Variants in AMH observed in about 807,000 individuals in gnomAD.
The protein encoded by AMH is anti-Mullerian hormone.
A neutral mutation model predicts 33.3 loss-of-function variants in AMH; 39 were observed. The ratio of observed to expected loss-of-function variants is 1.17; its 90% confidence interval spans 0.91 to 1.53. The LOEUF (loss-of-function observed/expected upper bound fraction) is 1.53. AMH is among the 40% of genes most tolerant of loss of function. AMH has a pLI of 0.00. For missense variants in AMH, 1,019 were observed against 799.8 expected (o/e 1.27, Z -3.30); for synonymous variants, 536 against 403.0 (o/e 1.33, Z -3.95).
At chr19:2,250,791 G>A (rs1228033156) in intron 3 of AMH, 31 bp downstream of exon 3, 1 of 1,535,790 alleles carries the variant, frequency 6.5e-7, no homozygotes, top group Non-Finnish European at 8.7e-7. Context: ...ACGGGGAGCC[G>A]GGTCGACTGC....
In AMH at chr19:2,250,566, G is replaced by C. The variant is rs1345313329; in HGVS notation, c.556-86G>C. 2.6e-6 allele frequency: 4 copies of C among 1,538,062 alleles called. No homozygotes were observed. The Admixed American group carries it at 7.8e-5, about 30-fold the overall frequency. On this transcript the variant is annotated intron_variant, in intron 2 of 4. Transcript: ENST00000221496. ...GGTCTGCAGTACTGAGAACAGCGTA[G>C]AACCAGTGGCGATGGGAGGAAGGGG...
rs2025057757 is a variant in AMH at position 2,251,978 on chromosome 19, C to T, written c.*21C>T. Reference sequence around the variant, plus strand: ...GGTGACCCCTGCGCCGCGCGGACTCCTGCCCCGAGGGTCCGGACGCGCCCC... The same window carrying T: ...GGTGACCCCTGCGCCGCGCGGACTCTTGCCCCGAGGGTCCGGACGCGCCCC... On this transcript the variant is annotated 3_prime_UTR_variant, in exon 5 of 5. Transcript: ENST00000221496. 6.5e-7 allele frequency: 1 copy of T among 1,536,210 alleles called. No individual in the cohort carries two copies. Among genetic ancestry groups the T allele is most frequent in the African/African-American group, 1.4e-5 (1 of 73,152 alleles).
At position 2,250,997 on chromosome 19, in the gene AMH, C is replaced by T. The variant is rs1445334575; in HGVS notation, c.813C>T (p.Phe271=). 3 of 1,514,106 alleles carry T rather than the reference C, an allele frequency of 2.0e-6. No individual in the cohort carries two copies. Among genetic ancestry groups the T allele is most frequent in the Non-Finnish European group, 2.6e-6 (3 of 1,138,016 alleles). The allele number at this position is 1,514,106 out of a possible 1,614,324, so 93.8% of individuals were successfully genotyped here. The change falls in exon 4 of 5, where the codon TTC becomes TTT. Residue 271 remains phenylalanine, a synonymous_variant. Coordinates refer to ENST00000221496, the MANE Select transcript of AMH (RefSeq NM_000479.5). ...PAHGQLDTVP[F]PPPRPSAELE... Reference sequence around the variant, plus strand: ...ACGGCCAGCTGGACACCGTGCCCTTCCCGCCGCCCAGGTGCGCGCAGGCAC... The same window carrying T: ...ACGGCCAGCTGGACACCGTGCCCTTTCCGCCGCCCAGGTGCGCGCAGGCAC...
At position 2,250,894 on chromosome 19, in the gene AMH, A is replaced by G. The variant is rs773763111; in HGVS notation, c.710A>G (p.Asp237Gly). 3 of 1,573,746 alleles carry G rather than the reference A, an allele frequency of 1.9e-6. No individual in the cohort carries two copies. The highest frequency in any genetic ancestry group is 2.3e-5 in the South Asian group (2 of 87,598). The change falls in exon 4 of 5, where the codon GAC (aspartate) becomes GGC (glycine). Residue 237 changes from aspartate (D) to glycine (G), a missense_variant. By Grantham distance (94) the Asp-to-Gly change is moderately conservative (BLOSUM62 -1). Coordinates refer to ENST00000221496, the MANE Select transcript of AMH (RefSeq NM_000479.5). ...TARLQALLFG[D>G]DHRCFTRMTP... ...CGGCTGCAGGCACTGCTGTTCGGCG[A>G]CGACCACCGCTGCTTCACACGGATG...
Position 2,250,394 on chromosome 19 carries a change from GC to G in AMH, c.476del (p.Pro159GlnfsTer18). On this transcript the variant is annotated frameshift_variant, in exon 2 of 5. Transcript: ENST00000221496. LOFTEE classifies it high-confidence loss of function. ...CAGGAGCCCCCGCCTGGAGGAGCTG[GC>G]CCCCCAGAGCTGGCGCTGCTGGTGC... ...RFQEPPPGGAGPPELALLVLY... is the reference protein window; with the variant it reads ...RFQEPPPGGAXPPELALLVLY... 3.8e-6 allele frequency: 6 copies of G among 1,583,836 alleles called. No individual in the cohort carries two copies. Among genetic ancestry groups the G allele is most frequent in the East Asian group, 2.3e-5 (1 of 43,662 alleles).
At position 2,252,030 on chromosome 19, in the gene AMH, C is replaced by T; in HGVS notation, c.*73C>T. ...GCTCGCGCCCCTTCCCATATTTATT[C>T]GGACCCCAAGCATCGCCCCAATAAA... On this transcript the variant is annotated 3_prime_UTR_variant, in exon 5 of 5. Transcript: ENST00000221496. The T allele has an allele frequency of 6.6e-7, 1 of 1,518,584 alleles. No homozygotes were observed. The highest frequency in any genetic ancestry group is 1.2e-5 in the South Asian group (1 of 83,236). 94.1% of individuals were successfully genotyped at this position (1,518,584 alleles called of 1,614,324 possible).
At chr19:2,249,791 G>A (rs1237016064) in intron 1 of AMH, 47 bp downstream of exon 1, 2 of 1,455,046 alleles carry the variant, frequency 1.4e-6, no homozygotes, top group Non-Finnish European at 1.8e-6. Flanking sequence ...CTTCCTTCAG[G>A]TGGGCCGGGT....
At chr19:2,249,852 G>A in intron 1 of AMH, 108 bp downstream of exon 1, 1 of 1,303,522 alleles carries the variant, frequency 7.7e-7, no homozygotes, top group Non-Finnish European at 1.0e-6. Flanking sequence ...GGGCAGGGAG[G>A]CTGTGGTCTT....
At position 2,250,657 on chromosome 19, in the gene AMH, C is replaced by G. The variant is rs1479881828; in HGVS notation, c.561C>G (p.Leu187=). Residue 187 remains leucine (L), a synonymous_variant, in exon 3 of 5, where the codon CTC becomes CTG. Transcript: ENST00000221496. ...CTGAGCCCTGGTCTCCGCAGAGCCT[C>G]TGCCCCTCCCGAGACACCCGCTACC... is the stretch of plus-strand genomic sequence containing the variant. ...TRAGLPGAQS[L]CPSRDTRYLV... The G allele has an allele frequency of 5.8e-6, 9 of 1,539,238 alleles. No homozygotes were observed. Among genetic ancestry groups the G allele is most frequent in the Non-Finnish European group, 7.8e-6 (9 of 1,146,998 alleles).
At position 2,249,957 on chromosome 19, in the gene AMH, C is replaced by T. The variant is rs1030192732; in HGVS notation, c.412+213C>T. The T allele has an allele frequency of 6.8e-5, 45 of 658,420 alleles. 2 individuals are homozygous for T. The South Asian group carries it at 7.3e-4, about 11-fold the overall frequency. 40.8% of individuals were successfully genotyped at this position (658,420 alleles called of 1,614,324 possible). A position where few individuals can be genotyped will look rare whatever the true frequency, so the allele number is the denominator to read the frequency against. On this transcript the variant is annotated intron_variant, in intron 1 of 4. Transcript: ENST00000221496. ...CCAGCTCTTAGACTTGCCCCTGCCT[C>T]GGTGCCAGGGAGAGAGCTGCTGCCT...
Position 2,250,667 on chromosome 19 carries a change from C to T in AMH, c.571C>T (p.Arg191Ter), listed in dbSNP as rs104894666. 9 of 1,539,450 alleles carry T rather than the reference C, an allele frequency of 5.8e-6. No individual in the cohort carries two copies. The highest frequency in any genetic ancestry group is 2.7e-5 in the African/African-American group (2 of 73,136). ...LPGAQSLCPS[R>*]DTRYLVLAVD... ...GTCTCCGCAGAGCCTCTGCCCCTCC[C>T]GAGACACCCGCTACCTGGTGTTAGC... The change falls in exon 3 of 5, where the codon CGA becomes TGA. Residue 191 changes from arginine (R) to a stop codon, truncating the protein, a stop_gained. Coordinates refer to ENST00000221496, the MANE Select transcript of AMH (RefSeq NM_000479.5). LOFTEE classifies it high-confidence loss of function.
In AMH at chr19:2,251,348, G is replaced by C; in HGVS notation, c.1074G>C (p.Gly358=). The C allele has an allele frequency of 1.3e-6, 2 of 1,492,568 alleles. No homozygotes were observed. Among genetic ancestry groups the C allele is most frequent in the Non-Finnish European group, 1.8e-6 (2 of 1,128,484 alleles). 92.5% of individuals were successfully genotyped at this position (1,492,568 alleles called of 1,614,324 possible). The part of the protein sequence containing the change: ...LLLRPTAATT[G]DPAPLHDPTS... Reference sequence around the variant, plus strand: ...TGAGGCCCACTGCGGCCACCACCGGGGATCCTGCGCCCCTGCACGACCCCA... The same window carrying C: ...TGAGGCCCACTGCGGCCACCACCGGCGATCCTGCGCCCCTGCACGACCCCA... Residue 358 remains glycine (G), a synonymous_variant, in exon 5 of 5, where the codon GGG becomes GGC. Transcript: ENST00000221496.
intron 4 of AMH, 33 bp downstream of exon 4, chr19:2,251,041 C>G: frequency 6.6e-7 from 1 of 1,525,812 alleles, no homozygotes; most frequent in Non-Finnish European, 8.7e-7. Flanking sequence ...GGGGCAGGAG[C>G]GGGCGGGGGC....
chr19:2,249,407 C>CA lies in AMH; in HGVS notation c.76dup (p.Arg26LysfsTer55). On this transcript the variant is annotated frameshift_variant, in exon 1 of 5. Coordinates refer to ENST00000221496, the MANE Select transcript of AMH (RefSeq NM_000479.5). LOFTEE classifies it high-confidence loss of function. ...GGGCTCTGCTGGGGACTGAGGCCCT[C>CA]AGAGCAGAGGAGCCAGCTGTGGGCA... 1 of 1,595,302 alleles carries CA rather than the reference C, an allele frequency of 6.3e-7. No homozygotes were observed. The highest frequency in any genetic ancestry group is 2.3e-5 in the East Asian group (1 of 43,862).
Position 2,251,178 on chromosome 19 carries a change from C to A in AMH, c.904C>A (p.Arg302=). The change falls in exon 5 of 5, where the codon CGG becomes AGG. Residue 302 remains arginine (R), a synonymous_variant. Transcript: ENST00000221496. ...ETLTRLVRAL[R]VPPARASAPR... ...GCTCACGCGCCTGGTGCGGGCGCTG[C>A]GGGTCCCCCCGGCCCGGGCCTCCGC... The A allele has an allele frequency of 6.6e-7, 1 of 1,512,818 alleles. No individual in the cohort carries two copies. The highest frequency in any genetic ancestry group is 8.8e-7 in the Non-Finnish European group (1 of 1,137,254). 93.7% of individuals were successfully genotyped at this position (1,512,818 alleles called of 1,614,324 possible).
rs965587329 is a variant in AMH at position 2,251,381 on chromosome 19, G to A, written c.1107G>A (p.Ala369=). Residue 369 remains alanine, a synonymous_variant, in exon 5 of 5, where the codon GCG becomes GCA. Transcript: ENST00000221496. ...CGCCCCTGCACGACCCCACGTCGGC[G>A]CCGTGGGCCACGGCCCTGGCGCGCC... ...DPAPLHDPTS[A]PWATALARRV... is the part of the protein sequence containing the mutation. The A allele has an allele frequency of 2.0e-6, 3 of 1,469,698 alleles. No individual in the cohort carries two copies. Among genetic ancestry groups the A allele is most frequent in the Admixed American group, 2.4e-5 (1 of 41,142 alleles). 91.0% of individuals were successfully genotyped at this position (1,469,698 alleles called of 1,614,324 possible).
chr19:2,251,747 G>A lies in AMH; in HGVS notation c.1473G>A (p.Val491=). 6.2e-7 allele frequency: 1 copy of A among 1,611,690 alleles called. No individual in the cohort carries two copies. The stretch of plus-strand genomic sequence containing the variant: ...ACCAGGCCAACAATTGCCAGGGCGT[G>A]TGCGGCTGGCCTCAGTCCGACCGCA... ...ETYQANNCQG[V]CGWPQSDRNP... is the part of the protein sequence containing the mutation. The change falls in exon 5 of 5, where the codon GTG becomes GTA. Residue 491 remains valine, a synonymous_variant. Coordinates refer to ENST00000221496, the MANE Select transcript of AMH (RefSeq NM_000479.5).
chr19:2,249,992 C>T, intron 1 of AMH: 2 of 620,434 alleles, frequency 3.2e-6, no homozygotes, highest in Non-Finnish European at 5.6e-6. Flanking sequence ...TTCTCCCCAC[C>T]CCTGAAGACG....
At chr19:2,250,567 A>C in intron 2 of AMH, 85 bp from the exon 3 acceptor site, 1 of 1,538,156 alleles carries the variant, frequency 6.5e-7, no homozygotes, top group Non-Finnish European at 8.7e-7. Flanking sequence ...AACAGCGTAG[A>C]ACCAGTGGCG....
Sources: gnomAD v4.1 joint callset for allele counts on GRCh38, gnomAD v4.1.1 for gene constraint, MANE v1.5 for transcripts, NCBI Gene and HGNC (gene_info 2026-07-23, HGNC 2026-07-21) for gene names.